ADGRL3: variants seen among roughly 807,000 people sequenced by gnomAD.
ADGRL3 encodes the protein adhesion G protein-coupled receptor L3.
In ADGRL3, 62 loss-of-function variants were observed where a neutral mutation model predicts 153.5. The ratio of observed to expected loss-of-function variants is 0.40; its 90% CI spans 0.33 to 0.50. ADGRL3 has a LOEUF of 0.50. ADGRL3 is among the 20% of genes least tolerant of loss of function. The pLI is 0.47. For synonymous variants in ADGRL3, 710 were observed against 672.5 expected (o/e 1.06, Z -0.86); for missense variants, 1,641 against 1,859.4 (o/e 0.88, Z 2.16).
At chr4:61,645,126 C>T (rs1274390666) in intron 5 of ADGRL3, among the ~76,000 whole-genome samples, 19 of 3,034 alleles carry the variant, frequency 6.3e-3, no homozygotes, top group African/African-American at 7.9e-3. Flanking sequence ...TTTTTGTTTT[C>T]CATTTTTTTT....
chr4:61,834,824 G>A (rs1191774748), intron 9 of ADGRL3, among the ~76,000 whole-genome samples: 1 of 152,138 alleles, frequency 6.6e-6, no homozygotes, highest in Non-Finnish European at 1.5e-5. Flanking sequence ...TAAATAATGA[G>A]TACTAGGATG....
At chr4:61,612,790 T>TATGGG (rs779085732) in intron 5 of ADGRL3, among the ~76,000 whole-genome samples, 2 of 152,180 alleles carry the variant, frequency 1.3e-5, no homozygotes, top group African/African-American at 4.8e-5. Context: ...TATTACTATA[T>TATGGG]ATGGGATGTC....
At chr4:61,463,450 A>C (rs891918258) in intron 2 of ADGRL3, among the ~76,000 whole-genome samples, 6 of 152,038 alleles carry the variant, frequency 3.9e-5, no homozygotes, top group African/African-American at 1.4e-4. Context: ...TAACAACCAG[A>C]TCTCTTGAAA....
chr4:61,565,873 A>G (rs1452928193), intron 4 of ADGRL3, among the ~76,000 whole-genome samples: 1 of 152,170 alleles, frequency 6.6e-6, no homozygotes, highest in Non-Finnish European at 1.5e-5. Flanking sequence ...TAGCAATGCT[A>G]CTACTAAAAT....
At chr4:61,704,020 T>G (rs1022702771) in intron 6 of ADGRL3, among the ~76,000 whole-genome samples, 1 of 152,194 alleles carries the variant, frequency 6.6e-6, no homozygotes, top group African/African-American at 2.4e-5. Context: ...CTATGGTTTT[T>G]AGAAGACCTA....
At chr4:61,383,348 A>G (rs2096694787) in intron 2 of ADGRL3, among the ~76,000 whole-genome samples, 159 bp downstream of exon 2, 1 of 151,794 alleles carries the variant, frequency 6.6e-6, no homozygotes, top group Non-Finnish European at 1.5e-5. Flanking sequence ...TTTGGAAAAT[A>G]AATTGCCATT....
At chr4:61,569,302 A>G (rs2098829068) in intron 4 of ADGRL3, among the ~76,000 whole-genome samples, 1 of 152,176 alleles carries the variant, frequency 6.6e-6, no homozygotes, top group Non-Finnish European at 1.5e-5. Context: ...TCATTCACCT[A>G]AAGTATACAA....
At position 61,819,150 on chromosome 4, in the gene ADGRL3, A is replaced by G. The variant is rs1031854835; in HGVS notation, c.1480+5261A>G. On this transcript the variant is annotated intron_variant, in intron 9 of 26. Coordinates refer to ENST00000683033, the MANE Select transcript of ADGRL3 (RefSeq NM_001387552.1). ...TTCAAATTATACATGCAAAATGTAC[A>G]TACATCTCTATATCTATCTGCTCAT... Among the ~76,000 whole-genome samples, 4 of 152,146 alleles carry G rather than the reference A, an allele frequency of 2.6e-5. No homozygotes were observed. In the East Asian group the frequency reaches 7.7e-4, roughly 29 times the overall value.
At chr4:61,717,221 CGTGT>C (rs1011823361) in intron 6 of ADGRL3, among the ~76,000 whole-genome samples, 34 of 63,844 alleles carry the variant, frequency 5.3e-4, no homozygotes, top group Non-Finnish European at 7.2e-4. Flanking sequence ...TGTGTGTGTG[CGTGT>C]GTGTGTGTGT....
At chr4:61,431,883 T>G (rs2097360083) in intron 2 of ADGRL3, among the ~76,000 whole-genome samples, 1 of 152,228 alleles carries the variant, frequency 6.6e-6, no homozygotes, top group African/African-American at 2.4e-5. Flanking sequence ...AATTTATCTC[T>G]GCTTTTCTTT....
intron 25 of ADGRL3, among the ~76,000 whole-genome samples, chr4:62,051,875 A>G (rs1184594097): frequency 6.6e-6 from 1 of 151,674 alleles, no homozygotes; most frequent in African/African-American, 2.4e-5. Flanking sequence ...TATTTGTTTC[A>G]TGTAAGTTGT....
chr4:61,363,975 A>G (rs2096342816), intron 1 of ADGRL3, among the ~76,000 whole-genome samples: 1 of 152,082 alleles, frequency 6.6e-6, no homozygotes, highest in Non-Finnish European at 1.5e-5. Context: ...TCTGTGATAA[A>G]TAATTGGTGG....
chr4:61,346,308 T>TACACACACAC lies in ADGRL3; in HGVS notation c.-239-36790_-239-36781dup, dbSNP rs10693257. 5.4e-3 allele frequency among the ~76,000 whole-genome samples: 774 copies of TACACACACAC among 144,624 alleles called. 7 individuals are homozygous for TACACACACAC. The highest frequency in any genetic ancestry group is 0.026 in the South Asian group (117 of 4,468). The allele number at this position is 144,624 out of a possible 152,430, so 94.9% of individuals were successfully genotyped here. The stretch of plus-strand genomic sequence containing the variant: ...CTCTCTGTCTCTCTCTGTCACAGTC[T>TACACACACAC]ACACACACACACACACACACACACA... On this transcript the variant is annotated intron_variant, in intron 1 of 26. Transcript: ENST00000683033.
At chr4:61,813,218 C>A (rs1040857612) in intron 8 of ADGRL3, among the ~76,000 whole-genome samples, 3 of 152,012 alleles carry the variant, frequency 2.0e-5, no homozygotes, top group Admixed American at 6.6e-5. Context: ...CATGGTGAAA[C>A]CCCATCTCTA....
intron 2 of ADGRL3, among the ~76,000 whole-genome samples, chr4:61,390,356 A>T (rs1422187090): frequency 6.6e-6 from 1 of 152,152 alleles, no homozygotes; most frequent in Non-Finnish European, 1.5e-5. Flanking sequence ...CGGCATTGAA[A>T]AAATATTATG....
intron 17 of ADGRL3, among the ~76,000 whole-genome samples, chr4:61,978,925 A>T (rs2099057701): frequency 6.6e-6 from 1 of 152,204 alleles, no homozygotes; most frequent in Non-Finnish European, 1.5e-5. Flanking sequence ...TAAGCTATTC[A>T]ATATGAATAT....
intron 2 of ADGRL3, among the ~76,000 whole-genome samples, chr4:61,476,960 T>A (rs1045808768): frequency 6.6e-6 from 1 of 151,810 alleles, no homozygotes; most frequent in African/African-American, 2.4e-5. Flanking sequence ...AATTATTTAT[T>A]TATGTAGTTA....
intron 5 of ADGRL3, among the ~76,000 whole-genome samples, chr4:61,662,204 T>C (rs2094617646): frequency 6.6e-6 from 1 of 152,214 alleles, no homozygotes; most frequent in Non-Finnish European, 1.5e-5. Context: ...GCCATGGCTC[T>C]AGACCCAAGC....
intron 4 of ADGRL3, among the ~76,000 whole-genome samples, chr4:61,562,180 G>A (rs2098797798): frequency 6.6e-6 from 1 of 152,154 alleles, no homozygotes; most frequent in Non-Finnish European, 1.5e-5. Flanking sequence ...TATAAAAACA[G>A]TATACATACC....
Sources: gnomAD v4.1 joint callset for allele counts (sites outside exome capture counted in the v4.1 genomes callset) on GRCh38, gnomAD v4.1.1 for gene constraint, MANE v1.5 for transcripts, NCBI Gene and HGNC (gene_info 2026-07-23, HGNC 2026-07-21) for gene names.